GRID2: variants seen among roughly 807,000 people sequenced by gnomAD.
The protein encoded by GRID2 is glutamate receptor ionotropic, delta-2.
GRID2 carries 33 observed loss-of-function variants against 114.8 expected under a neutral mutation model. That is an observed-to-expected ratio of 0.29 (90% confidence interval 0.22 to 0.38). The LOEUF (loss-of-function observed/expected upper bound fraction) is 0.38, where lower values mean the gene tolerates loss of function less well. Ranked by LOEUF, GRID2 falls within the 10% of genes least tolerant of loss-of-function variation. The pLI is 1.00. For synonymous variants in GRID2, 505 were observed against 449.9 expected (o/e 1.12, Z -1.55); for missense variants, 1,184 against 1,257.7 (o/e 0.94, Z 0.89).
intron 2 of GRID2, among the ~76,000 whole-genome samples, chr4:93,034,585 T>G (rs147536254): frequency 4.1e-4 from 63 of 152,264 alleles, no homozygotes; most frequent in Non-Finnish European, 8.2e-4. Flanking sequence ...CAACTATGCT[T>G]TCTTATATAC....
Position 92,789,750 on chromosome 4 carries a change from G to A in GRID2, c.244+199464G>A, listed in dbSNP as rs1423108245. Among the ~76,000 whole-genome samples, 3 of 151,774 alleles carry A rather than the reference G, an allele frequency of 2.0e-5. No individual in the cohort carries two copies. In the East Asian group the frequency reaches 5.8e-4, roughly 30 times the overall value. Reference sequence around the variant, plus strand: ...AAGTACAATATTTGATGTCCTTACAGTTTTAAATATTTAGTTGTTGGTATT... The same window carrying A: ...AAGTACAATATTTGATGTCCTTACAATTTTAAATATTTAGTTGTTGGTATT... On this transcript the variant is annotated intron_variant, in intron 2 of 15. Transcript: ENST00000282020.
At chr4:93,335,073 T>C (rs1758904722) in intron 8 of GRID2, among the ~76,000 whole-genome samples, 1 of 152,102 alleles carries the variant, frequency 6.6e-6, no homozygotes, top group African/African-American at 2.4e-5. Flanking sequence ...CATTTTAATA[T>C]GTCAATACTC....
chr4:93,585,803 C>A (rs1388417495), intron 13 of GRID2, among the ~76,000 whole-genome samples: 2 of 152,004 alleles, frequency 1.3e-5, no homozygotes, highest in Non-Finnish European at 2.9e-5. Context: ...AAAATGAAAT[C>A]TATGCATAGT....
chr4:93,228,685 C>T (rs973011043), intron 7 of GRID2, among the ~76,000 whole-genome samples: 1 of 152,136 alleles, frequency 6.6e-6, no homozygotes, highest in African/African-American at 2.4e-5. Flanking sequence ...AGAGAGCTGG[C>T]AGGTATAAAT....
At chr4:92,929,303 T>A (rs2149517852) in intron 2 of GRID2, among the ~76,000 whole-genome samples, 1 of 151,490 alleles carries the variant, frequency 6.6e-6, no homozygotes, top group Admixed American at 6.6e-5. Flanking sequence ...CATATGTGGA[T>A]ACAGATTTCC....
rs1187008586 is a variant in GRID2, at chr4:93,769,190, C to T, written c.2361-20C>T. 1.9e-6 allele frequency: 3 copies of T among 1,612,640 alleles called. No homozygotes were observed. Among genetic ancestry groups the T allele is most frequent in the Non-Finnish European group, 1.7e-6 (2 of 1,178,850 alleles). Reference sequence around the variant, plus strand: ...ATAACTATGTCTGTAATAACACATGCTTATGTTCTTTATCCCAAGGATCCT... The same window carrying T: ...ATAACTATGTCTGTAATAACACATGTTTATGTTCTTTATCCCAAGGATCCT... On this transcript the variant is annotated intron_variant, in intron 14 of 15. Transcript: ENST00000282020.
chr4:92,313,402 C>T (rs1725808742), intron 1 of GRID2, among the ~76,000 whole-genome samples: 1 of 151,912 alleles, frequency 6.6e-6, no homozygotes, highest in Non-Finnish European at 1.5e-5. Context: ...GCACCAGGTT[C>T]TCACGAATCT....
chr4:92,665,776 T>G (rs949736934), intron 2 of GRID2, among the ~76,000 whole-genome samples: 1 of 151,254 alleles, frequency 6.6e-6, no homozygotes, highest in Admixed American at 6.6e-5. Context: ...CAGTTTCTGA[T>G]GAGAAATCTA....
intron 1 of GRID2, among the ~76,000 whole-genome samples, chr4:92,488,471 G>A (rs1211392782): frequency 1.3e-5 from 2 of 152,092 alleles, no homozygotes; most frequent in Non-Finnish European, 2.9e-5. Context: ...GCATGAAGGA[G>A]GTAACTGCTG....
At chr4:93,506,413 G>C (rs1728633734) in intron 12 of GRID2, among the ~76,000 whole-genome samples, 1 of 152,088 alleles carries the variant, frequency 6.6e-6, no homozygotes, top group Non-Finnish European at 1.5e-5. Context: ...ACTTTTTCTA[G>C]ACCAAACGCA....
chr4:93,063,307 A>C (rs2149295552), intron 2 of GRID2, among the ~76,000 whole-genome samples: 1 of 152,038 alleles, frequency 6.6e-6, no homozygotes, highest in African/African-American at 2.4e-5. Context: ...TGTTTCACTT[A>C]ACAATTTGAT....
At chr4:92,390,826 C>A (rs760569247) in intron 1 of GRID2, among the ~76,000 whole-genome samples, 4 of 151,944 alleles carry the variant, frequency 2.6e-5, no homozygotes, top group African/African-American at 9.7e-5. Context: ...ACAATTTTAT[C>A]GTATATATTT....
chr4:92,734,098 G>A (rs1736468006), intron 2 of GRID2, among the ~76,000 whole-genome samples: 1 of 151,968 alleles, frequency 6.6e-6, no homozygotes, highest in Admixed American at 6.6e-5. Flanking sequence ...GAAATAAACA[G>A]TTGCTTTGTA....
chr4:92,450,965 G>A (rs1435833956), intron 1 of GRID2, among the ~76,000 whole-genome samples: 1 of 150,196 alleles, frequency 6.7e-6, no homozygotes, highest in East Asian at 1.9e-4. Flanking sequence ...TTATTATAGT[G>A]ACCATACAAA....
At position 93,103,769 on chromosome 4, in the gene GRID2, G is replaced by A. The variant is rs188356160; in HGVS notation, c.530-6979G>A. On this transcript the variant is annotated intron_variant, in intron 3 of 15. Coordinates refer to ENST00000282020, the MANE Select transcript of GRID2 (RefSeq NM_001510.4). ...TTCTCAAAAGAGTCTGTAACACAAA[G>A]AAGGTTAAGAAATTGGAGCACTGGT... Among the ~76,000 whole-genome samples, 299 of 151,870 alleles carry A rather than the reference G, an allele frequency of 2.0e-3. 2 individuals carry two copies. Among genetic ancestry groups the A allele is most frequent in the African/African-American group, 7.1e-3 (294 of 41,420 alleles).
chr4:93,115,034 T>G (rs2149356111), intron 4 of GRID2, among the ~76,000 whole-genome samples: 1 of 151,712 alleles, frequency 6.6e-6, no homozygotes, highest in Admixed American at 6.6e-5. Flanking sequence ...GAAAAATAAA[T>G]AAGAATTAAT....
chr4:92,923,234 A>G (rs954432838), intron 2 of GRID2, among the ~76,000 whole-genome samples: 4 of 152,178 alleles, frequency 2.6e-5, no homozygotes, highest in Non-Finnish European at 5.9e-5. Flanking sequence ...AGTATATACT[A>G]TCAGTGATGT....
At chr4:92,726,575 T>C (rs939409176) in intron 2 of GRID2, among the ~76,000 whole-genome samples, 2 of 152,108 alleles carry the variant, frequency 1.3e-5, no homozygotes, top group Admixed American at 1.3e-4. Flanking sequence ...AAAATTATCT[T>C]ACCATAAAAT....
At chr4:92,831,581 T>C (rs1446142105) in intron 2 of GRID2, among the ~76,000 whole-genome samples, 1 of 151,614 alleles carries the variant, frequency 6.6e-6, no homozygotes, top group Non-Finnish European at 1.5e-5. Flanking sequence ...ATTCCAGGCA[T>C]GGTGGCTCAT....
Sources: gnomAD v4.1 joint callset for allele counts (sites outside exome capture counted in the v4.1 genomes callset) on GRCh38, gnomAD v4.1.1 for gene constraint, MANE v1.5 for transcripts, NCBI Gene and HGNC (gene_info 2026-07-23, HGNC 2026-07-21) for gene names.